The following NET1 variants were observed in gnomAD, a reference collection of about 807,000 sequenced individuals.
NET1 encodes neuroepithelial cell transforming 1, also known as neuroepithelial cell-transforming gene 1 protein.
NET1 carries 42 observed loss-of-function variants against 61.1 expected under a neutral mutation model. The observed-to-expected ratio is 0.69, with a 90% CI of 0.54 to 0.89. The LOEUF is 0.89. NET1 is among the 40% of genes least tolerant of loss of function. The probability of loss-of-function intolerance (pLI) is 0.00; values close to 1 mark genes in which losing one functional copy is unlikely to be tolerated. For missense variants in NET1, 654 were observed against 747.3 expected (o/e 0.88, Z 1.46); for synonymous variants, 254 against 281.8 (o/e 0.90, Z 0.99).
Position 5,412,822 on chromosome 10 carries a change from T to G in NET1, c.128+2T>G, listed in dbSNP as rs1588419553. On this transcript the variant is annotated splice_donor_variant, in intron 1 of 11. Transcript: ENST00000355029. LOFTEE classifies it high-confidence loss of function. The surrounding 1 kb of genome is among the most constrained non-coding windows in gnomAD (Gnocchi z 6.5). ...CTCCGGGTCGGAGCTGGACGGGAGG[T>G]GAGTGTGGGGGAGGGGAGGGCCGAA... 3.0e-6 allele frequency: 4 copies of G among 1,347,174 alleles called. No homozygotes were observed. Among genetic ancestry groups the G allele is most frequent in the South Asian group, 1.6e-5 (1 of 61,044 alleles). The allele number at this position is 1,347,174 out of a possible 1,614,324, so 83.5% of individuals were successfully genotyped here.
rs370016148 is a variant in NET1, at chr10:5,421,585, C to A, written c.129-5070C>A. ...GTAGTTGCCAAAAATAAAAGGCATG[C>A]TCACAGAAGCTTGTAAGGCCATGTG... On this transcript the variant is annotated intron_variant, in intron 1 of 11. Transcript: ENST00000355029. The surrounding 1 kb of genome is among the most constrained non-coding windows in gnomAD (Gnocchi z 4.2). Among the ~76,000 whole-genome samples the A allele has an allele frequency of 1.1e-4, 17 of 152,302 alleles. No homozygotes were observed. In the East Asian group the frequency reaches 3.3e-3, roughly 29 times the overall value.
Position 5,454,879 on chromosome 10 carries a change from T to C in NET1, c.1027-69T>C. On this transcript the variant is annotated intron_variant, in intron 9 of 11. Coordinates refer to ENST00000355029, the MANE Select transcript of NET1 (RefSeq NM_001047160.3). The surrounding 1 kb of genome is among the most constrained non-coding windows in gnomAD (Gnocchi z 8.1). ...AGTTCTTCCATTCCATATGACATTTTTGCTCTGCAGGAAGCAGAATGAGTT... is the reference window on the plus strand; with the variant it reads ...AGTTCTTCCATTCCATATGACATTTCTGCTCTGCAGGAAGCAGAATGAGTT... 6.9e-7 allele frequency: 1 copy of C among 1,457,456 alleles called. No homozygotes were observed. Among genetic ancestry groups the C allele is most frequent in the South Asian group, 1.2e-5 (1 of 84,130 alleles). The allele number at this position is 1,457,456 out of a possible 1,614,324, so 90.3% of individuals were successfully genotyped here.
At position 5,443,917 on chromosome 10, in the gene NET1, C is replaced by G. The variant is rs1354953339; in HGVS notation, c.256-7913C>G. Among the ~76,000 whole-genome samples, 1 of 152,204 alleles carries G rather than the reference C, an allele frequency of 6.6e-6. No homozygotes were observed. The highest frequency in any genetic ancestry group is 2.4e-5 in the African/African-American group (1 of 41,440). On this transcript the variant is annotated intron_variant, in intron 3 of 11. Coordinates refer to ENST00000355029, the MANE Select transcript of NET1 (RefSeq NM_001047160.3). The surrounding 1 kb of genome is among the most constrained non-coding windows in gnomAD (Gnocchi z 4.8). ...ACTCCTAGCTGCTTCTTTCCTAACT[C>G]CCACTGCACATAATCCTTTATTCCC...
chr10:5,445,644 T>A (rs898785423), intron 3 of NET1, among the ~76,000 whole-genome samples: 3 of 152,250 alleles, frequency 2.0e-5, no homozygotes, highest in Admixed American at 6.5e-5. Context: ...AAAGGAAATC[T>A]GCTTCACAGC....
At position 5,456,429 on chromosome 10, in the gene NET1, C is replaced by T; in HGVS notation, c.1384+156C>T. The T allele has an allele frequency of 1.0e-6, 1 of 1,001,682 alleles. No homozygotes were observed. The highest frequency in any genetic ancestry group is 2.6e-5 in the East Asian group (1 of 38,058). The allele number at this position is 1,001,682 out of a possible 1,614,324, so 62.0% of individuals were successfully genotyped here. Reference sequence around the variant, plus strand: ...CAGGCCTTCCCAGCTCGAACACCCGCAGGTGTATCTAAGAAATAATGCATA... The same window carrying T: ...CAGGCCTTCCCAGCTCGAACACCCGTAGGTGTATCTAAGAAATAATGCATA... On this transcript the variant is annotated intron_variant, in intron 11 of 11. Transcript: ENST00000355029. The surrounding 1 kb of genome is among the most constrained non-coding windows in gnomAD (Gnocchi z 7.0).
intron 3 of NET1, among the ~76,000 whole-genome samples, chr10:5,450,049 C>T (rs1386126448): frequency 1.6e-5 from 2 of 125,428 alleles, no homozygotes; most frequent in Non-Finnish European, 3.8e-5. Flanking sequence ...CTGTGCTGGC[C>T]CCTGCACACG....
In NET1 at chr10:5,446,170, T is replaced by C. The variant is rs1832604540; in HGVS notation, c.256-5660T>C. Among the ~76,000 whole-genome samples the C allele has an allele frequency of 6.6e-6, 1 of 152,230 alleles. No individual in the cohort carries two copies. ...TTAAAGACTTAGATAATCTATTTTA[T>C]AATTGTGAATATGCTTGCACTTCTG... On this transcript the variant is annotated intron_variant, in intron 3 of 11. Coordinates refer to ENST00000355029, the MANE Select transcript of NET1 (RefSeq NM_001047160.3). The surrounding 1 kb of genome is among the most constrained non-coding windows in gnomAD (Gnocchi z 5.0).
chr10:5,429,055 T>TA (rs1350164259), intron 2 of NET1, 115 bp from the exon 3 acceptor site: 1 of 732,550 alleles, frequency 1.4e-6, no homozygotes, highest in Non-Finnish European at 2.2e-6. Context: ...TTCTTGTGAC[T>TA]ATAGCCAAAG....
chr10:5,418,581 T>C (rs1832116639), intron 1 of NET1, among the ~76,000 whole-genome samples: 1 of 152,188 alleles, frequency 6.6e-6, no homozygotes, highest in African/African-American at 2.4e-5. Context: ...AATCTTGATC[T>C]TTCCAAAGAA....
chr10:5,456,123 C>G lies in NET1; in HGVS notation c.1234C>G (p.Leu412Val). Reference protein sequence around the residue: ...YIFLFQDILVLTRPVTRNERH... With the variant: ...YIFLFQDILVVTRPVTRNERH... ...TTTCCTGTTTCAAGACATCTTGGTTCTGACTCGGCCCGTCACACGGAACGA... is the reference window on the plus strand; with the variant it reads ...TTTCCTGTTTCAAGACATCTTGGTTGTGACTCGGCCCGTCACACGGAACGA... The change falls in exon 11 of 12, where the codon CTG becomes GTG. Residue 412 changes from leucine to valine, a missense_variant. Transcript: ENST00000355029. The surrounding 1 kb of genome is among the most constrained non-coding windows in gnomAD (Gnocchi z 7.0). The G allele has an allele frequency of 6.2e-7, 1 of 1,613,958 alleles. No homozygotes were observed. The highest frequency in any genetic ancestry group is 8.5e-7 in the Non-Finnish European group (1 of 1,179,958).
rs571233641 is a variant in NET1 at position 5,435,218 on chromosome 10, G to A, written c.255+5989G>A. Among the ~76,000 whole-genome samples, 4 of 152,224 alleles carry A rather than the reference G, an allele frequency of 2.6e-5. No individual in the cohort carries two copies. Among genetic ancestry groups the A allele is most frequent in the Admixed American group, 6.5e-5 (1 of 15,294 alleles). ...AATGGAGGAATAGGGGAGGAAATGAGGATAAGTGACATTGGGACCTAGGAA... is the reference window on the plus strand; with the variant it reads ...AATGGAGGAATAGGGGAGGAAATGAAGATAAGTGACATTGGGACCTAGGAA... On this transcript the variant is annotated intron_variant, in intron 3 of 11. Coordinates refer to ENST00000355029, the MANE Select transcript of NET1 (RefSeq NM_001047160.3). This position sits in a 1 kb window ranked among gnomAD's most constrained non-coding sequence, Gnocchi z 5.0.
At position 5,441,056 on chromosome 10, in the gene NET1, T is replaced by G. The variant is rs1031342745; in HGVS notation, c.256-10774T>G. The stretch of plus-strand genomic sequence containing the variant: ...GGAGAAGTGAAAGAGAGGAGGCCCG[T>G]GCAGTGTCTAATTAAGCTGTCACTA... On this transcript the variant is annotated intron_variant, in intron 3 of 11. Transcript: ENST00000355029. This position sits in a 1 kb window ranked among gnomAD's most constrained non-coding sequence, Gnocchi z 4.6. Among the ~76,000 whole-genome samples, 2 of 152,206 alleles carry G rather than the reference T, an allele frequency of 1.3e-5. No individual in the cohort carries two copies. Among genetic ancestry groups the G allele is most frequent in the Admixed American group, 1.3e-4 (2 of 15,284 alleles).
Position 5,456,673 on chromosome 10 carries a change from G to A in NET1, c.1470G>A (p.Gln490=). 6.2e-7 allele frequency: 1 copy of A among 1,613,704 alleles called. No individual in the cohort carries two copies. Residue 490 remains glutamine (Q), a synonymous_variant, in exon 12 of 12, where the codon CAG becomes CAA. Coordinates refer to ENST00000355029, the MANE Select transcript of NET1 (RefSeq NM_001047160.3). This position sits in a 1 kb window ranked among gnomAD's most constrained non-coding sequence, Gnocchi z 7.0. ...AAGCCAATGACGTGTTCCACAAGCA[G>A]CAGTGGTTCAACTGTATTCGAGCGG... ...TLQANDVFHK[Q]QWFNCIRAAI...
intron 3 of NET1, among the ~76,000 whole-genome samples, chr10:5,442,353 T>C (rs147817698): frequency 2.0e-5 from 3 of 152,316 alleles, no homozygotes; most frequent in East Asian, 1.9e-4. Context: ...TAAAAGTAGA[T>C]AATAATGCCT....
At position 5,435,123 on chromosome 10, in the gene NET1, T is replaced by G. The variant is rs1832407477; in HGVS notation, c.255+5894T>G. On this transcript the variant is annotated intron_variant, in intron 3 of 11. Coordinates refer to ENST00000355029, the MANE Select transcript of NET1 (RefSeq NM_001047160.3). The surrounding 1 kb of genome is among the most constrained non-coding windows in gnomAD (Gnocchi z 5.0). Reference sequence around the variant, plus strand: ...ACTCAACCCTGGCTGCAGATCAGAGTCACCTGAGGGTGGCTTGTGTAGCAG... The same window carrying G: ...ACTCAACCCTGGCTGCAGATCAGAGGCACCTGAGGGTGGCTTGTGTAGCAG... 6.6e-6 allele frequency among the ~76,000 whole-genome samples: 1 copy of G among 152,148 alleles called. No homozygotes were observed. Among genetic ancestry groups the G allele is most frequent in the Non-Finnish European group, 1.5e-5 (1 of 68,016 alleles).
intron 3 of NET1, among the ~76,000 whole-genome samples, chr10:5,448,452 C>T (rs889259308): frequency 2.0e-5 from 3 of 152,168 alleles, no homozygotes; most frequent in African/African-American, 7.2e-5. Flanking sequence ...ATACCCTGAT[C>T]TGTGGACAGA....
In NET1 at chr10:5,458,808, A is replaced by G. The variant is rs1383801112; in HGVS notation, c.*1814A>G. On this transcript the variant is annotated 3_prime_UTR_variant, in exon 12 of 12. Transcript: ENST00000355029. The surrounding 1 kb of genome is among the most constrained non-coding windows in gnomAD (Gnocchi z 4.5). ...TGGAAATTCACATTCATAAGTGTAT[A>G]TTACACCAATGATTGTGATCTGCAA... Among the ~76,000 whole-genome samples the G allele has an allele frequency of 6.6e-6, 1 of 152,214 alleles. No homozygotes were observed. The highest frequency in any genetic ancestry group is 1.5e-5 in the Non-Finnish European group (1 of 68,038).
rs1392783298 is a variant in NET1, at chr10:5,437,768, C to T, written c.255+8539C>T. On this transcript the variant is annotated intron_variant, in intron 3 of 11. Coordinates refer to ENST00000355029, the MANE Select transcript of NET1 (RefSeq NM_001047160.3). This position sits in a 1 kb window ranked among gnomAD's most constrained non-coding sequence, Gnocchi z 4.3. ...ACTCAGACCAAATGGACCTAACAGA[C>T]ATACAGAGCCCTTCACCCAACAACA... 6.6e-6 allele frequency among the ~76,000 whole-genome samples: 1 copy of T among 151,972 alleles called. No individual in the cohort carries two copies. The highest frequency in any genetic ancestry group is 1.9e-4 in the East Asian group (1 of 5,192).
In NET1 at chr10:5,456,488, G is replaced by T; in HGVS notation, c.1385-100G>T. 2.5e-6 allele frequency: 3 copies of T among 1,208,466 alleles called. No individual in the cohort carries two copies. In the South Asian group the frequency reaches 4.7e-5, roughly 19 times the overall value. 74.9% of individuals were successfully genotyped at this position (1,208,466 alleles called of 1,614,324 possible). A position where few individuals can be genotyped will look rare whatever the true frequency, so the allele number is the denominator to read the frequency against. ...GTATTCACATTGACATAAATAAATT[G>T]CCATAAATTGACAGTCACGTTAAGA... is the stretch of plus-strand genomic sequence containing the variant. On this transcript the variant is annotated intron_variant, in intron 11 of 11. Coordinates refer to ENST00000355029, the MANE Select transcript of NET1 (RefSeq NM_001047160.3). This position sits in a 1 kb window ranked among gnomAD's most constrained non-coding sequence, Gnocchi z 7.0.
Sources: allele counts gnomAD v4.1 joint callset (sites outside exome capture counted in the v4.1 genomes callset), GRCh38; gene constraint gnomAD v4.1.1; non-coding constraint Gnocchi (gnomAD v3.1); transcripts MANE v1.5; gene names NCBI Gene and HGNC (gene_info 2026-07-23, HGNC 2026-07-21).